Variants in KDM2B observed in about 807,000 individuals in gnomAD.
KDM2B encodes lysine-specific demethylase 2B.
KDM2B carries 26 observed loss-of-function variants against 150.0 expected under a neutral mutation model. That is an observed-to-expected ratio of 0.17 (90% CI 0.13 to 0.24). The LOEUF is 0.24. KDM2B is among the 10% of genes least tolerant of loss of function. The pLI is 1.00. For synonymous variants in KDM2B, 734 were observed against 729.5 expected (o/e 1.01, Z -0.10); for missense variants, 1,265 against 1,816.9 (o/e 0.70, Z 5.52).
chr12:121,426,019 T>C (rs1872497393), downstream of KDM2B, among the ~76,000 whole-genome samples: 1 of 152,054 alleles, frequency 6.6e-6, no homozygotes, highest in Non-Finnish European at 1.5e-5. Context: ...CACCCGCCTC[T>C]TCCTCCCAAA....
chr12:121,569,381 C>T (rs1890931830), intron 4 of KDM2B, among the ~76,000 whole-genome samples: 1 of 152,162 alleles, frequency 6.6e-6, no homozygotes, highest in Non-Finnish European at 1.5e-5. Context: ...CCCTTCTTCA[C>T]CCACCCTCCC....
intron 4 of KDM2B, among the ~76,000 whole-genome samples, chr12:121,563,910 A>T (rs1555314349): frequency 6.6e-6 from 1 of 151,814 alleles, no homozygotes; most frequent in African/African-American, 2.4e-5. Flanking sequence ...AAAAAAATTA[A>T]AAAAAAAGAC....
chr12:121,540,191 G>A (rs1396628860), intron 6 of KDM2B, among the ~76,000 whole-genome samples: 2 of 152,106 alleles, frequency 1.3e-5, no homozygotes, highest in Admixed American at 6.6e-5. Flanking sequence ...CATACACACA[G>A]GAATGCTGGC....
rs201607254 is a variant in KDM2B at position 121,510,013 on chromosome 12, C to T, written c.1201G>A (p.Gly401Ser). 67 of 1,579,194 alleles carry T rather than the reference C, an allele frequency of 4.2e-5. No homozygotes were observed. The African/African-American group carries it at 7.7e-4, about 18-fold the overall frequency. ...TCCAGCCAGGAATCCGAAGAGAAGC[C>T]GTCTATGCTGGGCTTCCTCGGGGCA... ...IDAPRKPSID[G>S]FSSDSWLEME... is the part of the protein sequence containing the mutation. The change falls in exon 11 of 23, where the codon GGC (glycine) becomes AGC (serine). Residue 401 changes from glycine (G) to serine (S), a missense_variant. Transcript: ENST00000377071.
chr12:121,483,786 T>C (rs1402357249), intron 12 of KDM2B, among the ~76,000 whole-genome samples: 1 of 151,350 alleles, frequency 6.6e-6, no homozygotes, highest in African/African-American at 2.4e-5. Flanking sequence ...GAGAGAAGTG[T>C]GGAAGCGCGT....
intron 11 of KDM2B, among the ~76,000 whole-genome samples, chr12:121,505,081 C>T (rs1416174662): frequency 6.8e-6 from 1 of 148,112 alleles, no homozygotes; most frequent in Non-Finnish European, 1.5e-5. Context: ...CACGCCACTG[C>T]ACTCCAGCCT....
Position 121,430,012 on chromosome 12 carries a change from C to G in KDM2B, c.*276G>C. The G allele has an allele frequency of 9.9e-7, 1 of 1,005,050 alleles. No individual in the cohort carries two copies. Among genetic ancestry groups the G allele is most frequent in the Non-Finnish European group, 1.6e-6 (1 of 626,894 alleles). The allele number at this position is 1,005,050 out of a possible 1,614,324, so 62.3% of individuals were successfully genotyped here. A position where few individuals can be genotyped will look rare whatever the true frequency, so the allele number is the denominator to read the frequency against. On this transcript the variant is annotated 3_prime_UTR_variant, in exon 23 of 23. Coordinates refer to ENST00000377071, the MANE Select transcript of KDM2B (RefSeq NM_032590.5). This position sits in a 1 kb window ranked among gnomAD's most constrained non-coding sequence, Gnocchi z 4.4. Reference sequence around the variant, plus strand: ...TTCAGTATGAGAATTTCTCCGAAGTCCACCCTCCTCTCCGACAGGAATGTC... The same window carrying G: ...TTCAGTATGAGAATTTCTCCGAAGTGCACCCTCCTCTCCGACAGGAATGTC...
chr12:121,545,560 G>A (rs4981016), intron 6 of KDM2B, among the ~76,000 whole-genome samples: 90,749 of 151,842 alleles, frequency 0.6, 28,394 homozygotes, highest in African/African-American at 0.79. Context: ...ACTGAAATCT[G>A]TGTCACCCAG....
At chr12:121,492,601 C>A (rs1883477062) in intron 12 of KDM2B, among the ~76,000 whole-genome samples, 3 of 151,878 alleles carry the variant, frequency 2.0e-5, no homozygotes, top group Admixed American at 2.0e-4. Context: ...AGCCACTGCA[C>A]CAGGCCTGTA....
At chr12:121,439,802 C>A in intron 22 of KDM2B, 55 bp downstream of exon 22, 1 of 1,338,036 alleles carries the variant, frequency 7.5e-7, no homozygotes, top group Non-Finnish European at 1.1e-6. Context: ...CAAATGTGAA[C>A]CTCCTGGTTC....
At chr12:121,462,899 C>T (rs1439834376) in intron 12 of KDM2B, among the ~76,000 whole-genome samples, 2 of 151,656 alleles carry the variant, frequency 1.3e-5, no homozygotes, top group Non-Finnish European at 2.9e-5. Context: ...CCCAGGAGTT[C>T]GAGCCCAGCC....
rs1454313095 is a variant in KDM2B at position 121,489,653 on chromosome 12, T to C, written c.1734+4926A>G. 2.0e-5 allele frequency among the ~76,000 whole-genome samples: 3 copies of C among 152,104 alleles called. No individual in the cohort carries two copies. In the East Asian group the frequency reaches 5.8e-4, roughly 29 times the overall value. On this transcript the variant is annotated intron_variant, in intron 12 of 22. Coordinates refer to ENST00000377071, the MANE Select transcript of KDM2B (RefSeq NM_032590.5). ...TGGGGTTTTACCATGTTAGTGAGGC[T>C]GGTCTCGAACTCCTGGCCTCAAGTG... is the stretch of plus-strand genomic sequence containing the variant.
At chr12:121,474,379 G>A (rs1228736664) in intron 12 of KDM2B, among the ~76,000 whole-genome samples, 4 of 152,208 alleles carry the variant, frequency 2.6e-5, no homozygotes, top group Non-Finnish European at 5.9e-5. Context: ...AGCTGGGCGC[G>A]GTAGCGGGTG....
chr12:121,555,084 G>GA (rs1889796819), intron 4 of KDM2B, among the ~76,000 whole-genome samples: 1 of 152,088 alleles, frequency 6.6e-6, no homozygotes. Flanking sequence ...TACTTGGGAG[G>GA]ATCACTTGAG....
chr12:121,553,573 A>T (rs2142096381), intron 4 of KDM2B, among the ~76,000 whole-genome samples: 1 of 152,222 alleles, frequency 6.6e-6, no homozygotes, highest in East Asian at 1.9e-4. Context: ...ATGGGGAACA[A>T]ATAGCCAGCC....
chr12:121,580,215 C>A, intron 1 of KDM2B: 1 of 1,428,968 alleles, frequency 7.0e-7, no homozygotes. Context: ...TAGGCAGATC[C>A]GTTTGCAAAG....
chr12:121,574,987 TGAG>T (rs1555316665), intron 3 of KDM2B, among the ~76,000 whole-genome samples: 1 of 152,134 alleles, frequency 6.6e-6, no homozygotes, highest in African/African-American at 2.4e-5. Flanking sequence ...ATACTCTCCA[TGAG>T]GAGTTTTATG....
Position 121,429,807 on chromosome 12 carries a change from G to A in KDM2B, c.*481C>T. On this transcript the variant is annotated 3_prime_UTR_variant, in exon 23 of 23. Transcript: ENST00000377071. ...TGCATAAATAACTTTTAAACAATTT[G>A]TACAAAAATAGTTCTGCATAATGTA... The A allele has an allele frequency of 1.8e-6, 1 of 541,030 alleles. No individual in the cohort carries two copies. 33.5% of individuals were successfully genotyped at this position (541,030 alleles called of 1,614,324 possible).
At chr12:121,423,888 C>G in the KDM2B span, 1 of 284,550 alleles carries the variant, frequency 3.5e-6, no homozygotes, top group Non-Finnish European at 6.7e-6. This position sits in a 1 kb window ranked among gnomAD's most constrained non-coding sequence, Gnocchi z 4.3. Context: ...GACACTTATC[C>G]TGTTCTCTTA....
Sources: gnomAD v4.1 joint callset for allele counts (sites outside exome capture counted in the v4.1 genomes callset) on GRCh38, gnomAD v4.1.1 for gene constraint, Gnocchi (gnomAD v3.1) non-coding constraint, MANE v1.5 for transcripts, NCBI Gene and HGNC (gene_info 2026-07-23, HGNC 2026-07-21) for gene names.